Variants in WRN observed in about 807,000 individuals in gnomAD.
WRN encodes the protein bifunctional 3'-5' exonuclease/ATP-dependent helicase WRN.
Under a neutral mutation model 180.7 loss-of-function variants are expected in WRN, and 149 were observed. The observed-to-expected ratio is 0.82, with a 90% CI of 0.72 to 0.94. WRN has a LOEUF of 0.94. Among genes scored for constraint, WRN ranks in the 40% least tolerant of loss-of-function variants. The probability of loss-of-function intolerance (pLI) is 0.00; values close to 1 mark genes in which losing one functional copy is unlikely to be tolerated. For synonymous variants in WRN, 548 were observed against 568.9 expected, an observed-to-expected ratio of 0.96 and a Z score of 0.52; for missense variants, 1,661 against 1,700.1, an observed-to-expected ratio of 0.98 and a Z score of 0.40.
At chr8:31,109,313 G>C (rs1801215624) in intron 18 of WRN, among the ~76,000 whole-genome samples, 1 of 152,174 alleles carries the variant, frequency 6.6e-6, no homozygotes, top group African/African-American at 2.4e-5. Flanking sequence ...AATATAGTCT[G>C]ATACTTTATT....
intron 24 of WRN, 84 bp downstream of exon 24, chr8:31,132,590 T>C (rs924497371): frequency 6.3e-7 from 1 of 1,592,688 alleles, no homozygotes; most frequent in African/African-American, 1.3e-5. Flanking sequence ...GTATTATGAT[T>C]GTAGCTTTGA....
chr8:31,086,452 T>C (rs1337018710), intron 11 of WRN, among the ~76,000 whole-genome samples: 1 of 152,082 alleles, frequency 6.6e-6, no homozygotes, highest in Admixed American at 6.6e-5. Context: ...CATGTGCCTT[T>C]AGTCCCAGCT....
chr8:31,173,275 T>C lies in WRN; in HGVS notation c.*173T>C, dbSNP rs1338201571. The C allele has an allele frequency of 1.5e-6, 1 of 650,814 alleles. No homozygotes were observed. 40.3% of individuals were successfully genotyped at this position (650,814 alleles called of 1,614,324 possible). On this transcript the variant is annotated 3_prime_UTR_variant, in exon 35 of 35. Transcript: ENST00000298139. ...TCAGCCTTCCGCAATTCATGTAGTTTCTGGGTCTTCTGGGAGCCTACGTGA... is the reference window on the plus strand; with the variant it reads ...TCAGCCTTCCGCAATTCATGTAGTTCCTGGGTCTTCTGGGAGCCTACGTGA...
chr8:31,124,550 A>C lies in WRN; in HGVS notation c.2659A>C (p.Lys887Gln). The change falls in exon 22 of 35, where the codon AAG becomes CAG. Residue 887 changes from lysine (K) to glutamine (Q), a missense_variant. By Grantham distance (53) the Lys-to-Gln change is moderately conservative. Around this residue, in one of 3 missense-constraint regions of WRN, gnomAD observed 1,141 missense variants for 1,149.4 expected, o/e 0.99. Transcript: ENST00000298139. ...RHLLTEIRNE[K>Q]FRLYKLKMMA... ...CCTTCTTACTGAGATACGTAATGAG[A>C]AGTTTCGATTATACAAATTAAAGAT... The C allele has an allele frequency of 6.2e-7, 1 of 1,612,838 alleles. No homozygotes were observed. Among genetic ancestry groups the C allele is most frequent in the Non-Finnish European group, 8.5e-7 (1 of 1,179,176 alleles).
chr8:31,099,794 TGC>T (rs1195429953), intron 17 of WRN, among the ~76,000 whole-genome samples: 1 of 152,188 alleles, frequency 6.6e-6, no homozygotes, highest in East Asian at 1.9e-4. Flanking sequence ...TGTGTGTGTG[TGC>T]CAGGCCCTAT....
intron 30 of WRN, among the ~76,000 whole-genome samples, chr8:31,149,562 C>T (rs1255947069): frequency 7.8e-6 from 1 of 128,624 alleles, no homozygotes; most frequent in African/African-American, 2.9e-5. Context: ...GCAACCTCCG[C>T]CTCCTGGGTT....
chr8:31,152,323 T>TC (rs1322610975), intron 31 of WRN, among the ~76,000 whole-genome samples: 1 of 149,226 alleles, frequency 6.7e-6, no homozygotes, highest in African/African-American at 2.5e-5. Flanking sequence ...AGAGCGAGAC[T>TC]CCATCTCAAA....
chr8:31,123,626 AAATT>A (rs1333857109), intron 21 of WRN, among the ~76,000 whole-genome samples: 1 of 152,148 alleles, frequency 6.6e-6, no homozygotes, highest in Non-Finnish European at 1.5e-5. Flanking sequence ...TTGAATAGTC[AAATT>A]ATTAGTGAGT....
intron 1 of WRN, among the ~76,000 whole-genome samples, chr8:31,057,830 T>C (rs977041177): frequency 1.3e-4 from 20 of 152,264 alleles, no homozygotes; most frequent in African/African-American, 3.8e-4. Context: ...TTGGTTTACA[T>C]TGAGGAGTGC....
chr8:31,120,958 T>A (rs1202940966), intron 21 of WRN, among the ~76,000 whole-genome samples: 1 of 152,030 alleles, frequency 6.6e-6, no homozygotes, highest in Non-Finnish European at 1.5e-5. Flanking sequence ...TGTGTATGAA[T>A]CATTGTGTTG....
intron 32 of WRN, among the ~76,000 whole-genome samples, chr8:31,156,782 T>C (rs1445424073): frequency 6.6e-6 from 1 of 152,230 alleles, no homozygotes; most frequent in Non-Finnish European, 1.5e-5. Flanking sequence ...GTAGCACTGT[T>C]CATGTGAAGT....
chr8:31,059,698 A>G (rs1585402962), intron 3 of WRN, among the ~76,000 whole-genome samples: 1 of 152,224 alleles, frequency 6.6e-6, no homozygotes, highest in East Asian at 1.9e-4. Context: ...AATAATGGCT[A>G]TGATCGGCTC....
chr8:31,121,707 A>G (rs1311775740), intron 21 of WRN, among the ~76,000 whole-genome samples: 1 of 131,676 alleles, frequency 7.6e-6, no homozygotes, highest in African/African-American at 2.7e-5. Context: ...TGATAGTTCA[A>G]ATCTGAAAGA....
intron 34 of WRN, among the ~76,000 whole-genome samples, chr8:31,167,885 TC>T (rs1261562346): frequency 6.6e-6 from 1 of 152,128 alleles, no homozygotes; most frequent in African/African-American, 2.4e-5. Context: ...ACCTTCGGTA[TC>T]TTCCGGGTCT....
At chr8:31,132,297 A>G in intron 23 of WRN, 68 bp from the exon 24 acceptor site, 1 of 1,554,718 alleles carries the variant, frequency 6.4e-7, no homozygotes, top group Non-Finnish European at 8.7e-7. Context: ...TTGTTATGCT[A>G]AATCTTTTGA....
At chr8:31,076,396 T>G in intron 8 of WRN, 109 bp downstream of exon 8, 1 of 937,352 alleles carries the variant, frequency 1.1e-6, no homozygotes, top group Non-Finnish European at 1.7e-6. Flanking sequence ...TCATAGAAAT[T>G]TGCTTGAATA....
intron 33 of WRN, among the ~76,000 whole-genome samples, chr8:31,159,944 CAAA>C (rs35353095): frequency 1.1e-4 from 11 of 101,842 alleles, no homozygotes; most frequent in Admixed American, 1.1e-4. Context: ...GACTCTGTCT[CAAA>C]AAAAAAAAAA....
At chr8:31,113,420 G>A (rs1234088766) in intron 19 of WRN, among the ~76,000 whole-genome samples, 4 of 152,118 alleles carry the variant, frequency 2.6e-5, no homozygotes, top group East Asian at 1.9e-4. Flanking sequence ...AGAATGGATC[G>A]AATATATTCT....
At chr8:31,132,990 A>G (rs546054065) in intron 24 of WRN, among the ~76,000 whole-genome samples, 2 of 152,356 alleles carry the variant, frequency 1.3e-5, no homozygotes, top group Admixed American at 6.5e-5. Flanking sequence ...TATCAGAAGT[A>G]TTTAAAGTTA....
Sources: gnomAD v4.1 joint callset for allele counts (sites outside exome capture counted in the v4.1 genomes callset) on GRCh38, gnomAD v4.1.1 for gene constraint, gnomAD v4.1.1 regional missense constraint, MANE v1.5 for transcripts, NCBI Gene and HGNC (gene_info 2026-07-23, HGNC 2026-07-21) for gene names.